AATK: variants seen among roughly 807,000 people sequenced by gnomAD.
The protein encoded by AATK is lemur tail kinase 1.
In AATK, 91 loss-of-function variants were observed where a neutral mutation model predicts 114.3. That is an observed-to-expected ratio of 0.80 (90% CI 0.67 to 0.95). The LOEUF (loss-of-function observed/expected upper bound fraction) is 0.95, where lower values mean the gene tolerates loss of function less well. Among genes scored for constraint, AATK ranks in the 40% least tolerant of loss-of-function variants. The pLI is 0.00. For synonymous variants in AATK, 1,075 were observed against 916.5 expected, an observed-to-expected ratio of 1.17 and a Z score of -3.12; for missense variants, 2,176 against 1,965.2, an observed-to-expected ratio of 1.11 and a Z score of -2.03.
In AATK at chr17:81,122,492, C is replaced by A; in HGVS notation, c.1444G>T (p.Glu482Ter). 6.8e-7 allele frequency: 1 copy of A among 1,464,302 alleles called. No homozygotes were observed. Among genetic ancestry groups the A allele is most frequent in the Non-Finnish European group, 9.1e-7 (1 of 1,103,142 alleles). The allele number at this position is 1,464,302 out of a possible 1,614,324, so 90.7% of individuals were successfully genotyped here. The change falls in exon 11 of 14, where the codon GAG becomes TAG. Residue 482 changes from glutamate (E) to a stop codon, truncating the protein, a stop_gained. Coordinates refer to ENST00000326724, the MANE Select transcript of AATK (RefSeq NM_001080395.3). LOFTEE classifies it high-confidence loss of function. ...AAGGCCTCCGCGCCGCGGCCCGCCT[C>A]CCACTTGTACTCAAAATTGAGGCCT... is the stretch of plus-strand genomic sequence containing the variant. Reference protein sequence around the residue: ...SRGLNFEYKWEAGRGAEAFPA... With the variant: ...SRGLNFEYKW
chr17:81,139,806 C>T (rs1191911670), intron 1 of AATK, among the ~76,000 whole-genome samples: 1 of 152,226 alleles, frequency 6.6e-6, no homozygotes, highest in African/African-American at 2.4e-5. Flanking sequence ...TGGAGGGTGC[C>T]TATGTGAGCC....
At chr17:81,128,414 CCT>C in intron 4 of AATK, 54 bp downstream of exon 4, 1 of 1,542,474 alleles carries the variant, frequency 6.5e-7, no homozygotes, top group East Asian at 2.4e-5. Flanking sequence ...GGTCTGCAGC[CCT>C]GTGTCCCTTC....
chr17:81,135,723 A>G (rs1178500193), intron 1 of AATK: 1 of 152,240 alleles, frequency 6.6e-6, no homozygotes, highest in Non-Finnish European at 1.5e-5. Context: ...CGTGAGCTAG[A>G]AGACAGTGAG....
intron 1 of AATK, among the ~76,000 whole-genome samples, chr17:81,138,548 A>ACACACGTGCACACATACCCC (rs2061064180): frequency 6.8e-6 from 1 of 146,178 alleles, no homozygotes; most frequent in African/African-American, 2.5e-5. Flanking sequence ...GTTCGCGTGC[A>ACACACGTGCACACATACCCC]CACACGTGCA....
chr17:81,151,646 G>T (rs984834485), intron 1 of AATK, among the ~76,000 whole-genome samples: 1 of 152,164 alleles, frequency 6.6e-6, no homozygotes, highest in Non-Finnish European at 1.5e-5. Context: ...TTAAGGAGGG[G>T]CTTGGATCAT....
At position 81,122,480 on chromosome 17, in the gene AATK, C is replaced by T. The variant is rs750541119; in HGVS notation, c.1456G>A (p.Gly486Ser). 17 of 1,455,196 alleles carry T rather than the reference C, an allele frequency of 1.2e-5. No individual in the cohort carries two copies. The highest frequency in any genetic ancestry group is 1.3e-5 in the Non-Finnish European group (14 of 1,099,348). 90.1% of individuals were successfully genotyped at this position (1,455,196 alleles called of 1,614,324 possible). A position where few individuals can be genotyped will look rare whatever the true frequency, so the allele number is the denominator to read the frequency against. Residue 486 changes from glycine (G) to serine (S), a missense_variant, in exon 11 of 14, where the codon GGC becomes AGC. Gly to Ser is a moderately conservative substitution (Grantham distance 56). Coordinates refer to ENST00000326724, the MANE Select transcript of AATK (RefSeq NM_001080395.3). The stretch of plus-strand genomic sequence containing the variant: ...AGCGTGGCCGGGAAGGCCTCCGCGC[C>T]GCGGCCCGCCTCCCACTTGTACTCA... ...NFEYKWEAGR[G>S]AEAFPATLSP... is the part of the protein sequence containing the mutation.
At chr17:81,163,218 C>T (rs2061445711) in intron 1 of AATK, among the ~76,000 whole-genome samples, 1 of 152,174 alleles carries the variant, frequency 6.6e-6, no homozygotes, top group South Asian at 2.1e-4. Context: ...CAGCTCCAGG[C>T]CCCAGGGCTC....
intron 1 of AATK, among the ~76,000 whole-genome samples, chr17:81,160,470 G>T (rs568246780): frequency 6.6e-6 from 1 of 152,236 alleles, no homozygotes; most frequent in African/African-American, 2.4e-5. Context: ...TTCCTCTGCC[G>T]GCTTCCTCTG....
Position 81,123,273 on chromosome 17 carries a change from G to C in AATK, c.1033C>G (p.Gln345Glu). 3 of 1,404,500 alleles carry C rather than the reference G, an allele frequency of 2.1e-6. No individual in the cohort carries two copies. Among genetic ancestry groups the C allele is most frequent in the Non-Finnish European group, 2.8e-6 (3 of 1,078,454 alleles). The allele number at this position is 1,404,500 out of a possible 1,614,324, so 87.0% of individuals were successfully genotyped here. Residue 345 changes from glutamine (Q) to glutamate (E), a missense_variant, in exon 10 of 14, where the codon CAG becomes GAG. Physicochemically the swap from Gln to Glu is conservative, Grantham distance 29. This residue lies in a region of AATK where 273 missense variants were observed against 344.1 expected (regional missense o/e 0.79). Coordinates refer to ENST00000326724, the MANE Select transcript of AATK (RefSeq NM_001080395.3). ...TQPYPQHSDQ[Q>E]VLAYTVREQQ... is the part of the protein sequence containing the mutation. ...TCCCGGACCGTGTACGCCAGCACCT[G>C]CTGGTCCGAGTGCTGGGGATAGGGC... is the stretch of plus-strand genomic sequence containing the variant.
Position 81,120,950 on chromosome 17 carries a change from C to T in AATK, c.2986G>A (p.Ala996Thr). Residue 996 changes from alanine to threonine, a missense_variant, in exon 11 of 14, where the codon GCC (alanine) becomes ACC (threonine). Ala to Thr is a moderately conservative substitution (Grantham distance 58). Around this residue, in one of 4 missense-constraint regions of AATK, gnomAD observed 1,701 missense variants for 1,394.7 expected, o/e 1.22. Coordinates refer to ENST00000326724, the MANE Select transcript of AATK (RefSeq NM_001080395.3). ...TCAGCCTCGAGGTCTGAGAAGTAGG[C>T]AGAGTCTCGGTAGGGATTCTTCTCG... The part of the protein sequence containing the change: ...LNEKNPYRDS[A>T]YFSDLEAEAE... 3 of 1,609,254 alleles carry T rather than the reference C, an allele frequency of 1.9e-6. No homozygotes were observed. Among genetic ancestry groups the T allele is most frequent in the Non-Finnish European group, 2.5e-6 (3 of 1,178,460 alleles).
chr17:81,165,898 G>A (rs755633378), intron 1 of AATK, 40 bp downstream of exon 1: 3 of 1,560,204 alleles, frequency 1.9e-6, no homozygotes, highest in East Asian at 2.4e-5. Context: ...CCGCAGCGGA[G>A]GGAGGCAGCG....
At chr17:81,139,649 C>T (rs2061093884) in intron 1 of AATK, among the ~76,000 whole-genome samples, 1 of 152,080 alleles carries the variant, frequency 6.6e-6, no homozygotes, top group Non-Finnish European at 1.5e-5. Context: ...TATGAGAGCC[C>T]AAGTAGCTGC....
At chr17:81,154,096 A>G (rs1288191541) in intron 1 of AATK, among the ~76,000 whole-genome samples, 5 of 151,720 alleles carry the variant, frequency 3.3e-5, no homozygotes, top group Non-Finnish European at 7.4e-5. Flanking sequence ...AACAAAACAA[A>G]ACAGAGCAGT....
chr17:81,157,063 T>A (rs2061375408), intron 1 of AATK, among the ~76,000 whole-genome samples: 2 of 151,968 alleles, frequency 1.3e-5, no homozygotes, highest in South Asian at 4.2e-4. Flanking sequence ...CCACAGTCAC[T>A]CCCGAGACCA....
At chr17:81,125,097 G>C in intron 7 of AATK, 83 bp from the exon 8 acceptor site, 1 of 930,286 alleles carries the variant, frequency 1.1e-6, no homozygotes. Flanking sequence ...GGTCAGTGGG[G>C]TGTGCCGGGC....
Position 81,122,079 on chromosome 17 carries a change from C to T in AATK, c.1857G>A (p.Leu619=), listed in dbSNP as rs771051836. The T allele has an allele frequency of 1.9e-6, 3 of 1,585,572 alleles. No homozygotes were observed. Among genetic ancestry groups the T allele is most frequent in the South Asian group, 1.1e-5 (1 of 89,320 alleles). ...CTGCATCCTCCGCTCCTCCCTCCGC[C>T]AGACTCAGGGGCCCCGCCGAGGGCG... The part of the protein sequence containing the change: ...SPSPSAGPLS[L]AEGGAEDADW... Residue 619 remains leucine (L), a synonymous_variant, in exon 11 of 14, where the codon CTG becomes CTA. Transcript: ENST00000326724.
intron 1 of AATK, among the ~76,000 whole-genome samples, chr17:81,152,454 C>T (rs1030337461): frequency 2.0e-5 from 3 of 152,000 alleles, no homozygotes; most frequent in Non-Finnish European, 2.9e-5. Flanking sequence ...CAGTGTGACT[C>T]GAACCTGTGG....
chr17:81,119,148 GGGTCAGGTGAGGGTCA>G (rs1460088397), intron 13 of AATK, among the ~76,000 whole-genome samples: 1 of 16,024 alleles, frequency 6.2e-5, no homozygotes, highest in East Asian at 2.9e-3. Context: ...GGCCAGGTGA[GGGTCAGGTGAGGGTCA>G]GGTGAGGGTC....
At chr17:81,133,967 G>A (rs1230527628) in intron 2 of AATK, among the ~76,000 whole-genome samples, 1 of 152,172 alleles carries the variant, frequency 6.6e-6, no homozygotes, top group African/African-American at 2.4e-5. Flanking sequence ...TGAATTCGGA[G>A]GGACGTGAGA....
Sources: gnomAD v4.1 joint callset for allele counts (sites outside exome capture counted in the v4.1 genomes callset) on GRCh38, gnomAD v4.1.1 for gene constraint, gnomAD v4.1.1 regional missense constraint, MANE v1.5 for transcripts, NCBI Gene and HGNC (gene_info 2026-07-23, HGNC 2026-07-21) for gene names.